The following MTM1 variants were observed in gnomAD, a reference collection of about 807,000 sequenced individuals.
MTM1 encodes myotubularin.
In MTM1, 9 loss-of-function variants were observed where a neutral mutation model predicts 52.1. That is an observed-to-expected ratio of 0.17 (90% CI 0.10 to 0.30). The LOEUF is 0.30. MTM1 is among the 10% of genes least tolerant of loss of function. The pLI, the probability that MTM1 is intolerant of heterozygous loss-of-function variation, is 1.00. For synonymous variants in MTM1, 136 were observed against 163.8 expected, an observed-to-expected ratio of 0.83 and a Z score of 1.29; for missense variants, 277 against 470.7, an observed-to-expected ratio of 0.59 and a Z score of 3.81.
chrX:150,646,288 CA>C (rs1257829747), intron 9 of MTM1, among the ~76,000 whole-genome samples: 1 of 112,655 alleles, frequency 8.9e-6, no homozygotes, highest in African/African-American at 3.2e-5. Context: ...CGTATATACT[CA>C]CATATGTGTA....
At chrX:150,565,544 G>A (rs1557411198), upstream of MTM1, among the ~76,000 whole-genome samples, 1 of 111,880 alleles carries the variant, frequency 8.9e-6, no homozygotes, top group Non-Finnish European at 1.9e-5. Flanking sequence ...GGGGACTGGG[G>A]AGATCAGAGC....
In MTM1 at chrX:150,572,463, GTCA is replaced by G. The variant is rs782342635; in HGVS notation, c.-11+3806_-11+3808del. ...CTCTCTGCCTCAATCTCCCTCTTCTGTCATCATTAAAATATGCAGGTATTTATA... is the reference window on the plus strand; with the variant it reads ...CTCTCTGCCTCAATCTCCCTCTTCTGTCATTAAAATATGCAGGTATTTATA... On this transcript the variant is annotated intron_variant, in intron 1 of 14. Transcript: ENST00000370396. Among the ~76,000 whole-genome samples, 179 of 112,047 alleles carry G rather than the reference GTCA, an allele frequency of 1.6e-3. 2 individuals are homozygous for G. The highest frequency in any genetic ancestry group is 4.2e-3 in the Admixed American group (44 of 10,581).
upstream of MTM1, among the ~76,000 whole-genome samples, chrX:150,566,982 G>A (rs962469885): frequency 8.9e-6 from 1 of 111,740 alleles, no homozygotes; most frequent in African/African-American, 3.3e-5. Flanking sequence ...GGGGAGGGGA[G>A]TTGGCAGAGC....
chrX:150,605,831 T>A (rs2039147188), intron 4 of MTM1, among the ~76,000 whole-genome samples: 1 of 111,280 alleles, frequency 9.0e-6, no homozygotes, highest in Admixed American at 9.6e-5. Context: ...TTTCCTCATC[T>A]CTATTGGTGG....
At chrX:150,597,847 G>A (rs2039004398) in intron 3 of MTM1, among the ~76,000 whole-genome samples, 1 of 111,587 alleles carries the variant, frequency 9.0e-6, no homozygotes, top group Non-Finnish European at 1.9e-5. Context: ...AGCACTTTGA[G>A]AGGCCAAAGT....
chrX:150,631,637 G>A (rs1188782893), intron 6 of MTM1, among the ~76,000 whole-genome samples: 2 of 97,824 alleles, frequency 2.0e-5, no homozygotes, highest in East Asian at 6.3e-4. Context: ...CACTCCAGCC[G>A]GGGCGACAGA....
chrX:150,601,906 G>A (rs782576057), intron 4 of MTM1, among the ~76,000 whole-genome samples: 25 of 111,807 alleles, frequency 2.2e-4, no homozygotes, highest in Non-Finnish European at 4.1e-4. Flanking sequence ...CTCAAACTAC[G>A]CAGAGCCTTT....
chrX:150,579,111 A>G lies in MTM1; in HGVS notation c.-11+10449A>G, dbSNP rs1020117813. The stretch of plus-strand genomic sequence containing the variant: ...CTTTTGTTGCCCAGGCTGGAGTGCA[A>G]TGGTGTAATCTCAGCTCACTGCAAC... On this transcript the variant is annotated intron_variant, in intron 1 of 14. Transcript: ENST00000370396. Among the ~76,000 whole-genome samples, 71 of 109,324 alleles carry G rather than the reference A, an allele frequency of 6.5e-4. 1 individual carries two copies. The highest frequency in any genetic ancestry group is 5.9e-4 in the Non-Finnish European group (31 of 52,449). 94.9% of individuals were successfully genotyped at this position (109,324 alleles called of 115,157 possible). A position where few individuals can be genotyped will look rare whatever the true frequency, so the allele number is the denominator to read the frequency against.
Position 150,672,605 on chromosome X carries a change from G to A in MTM1, c.*1010G>A, listed in dbSNP as rs782184572. On this transcript the variant is annotated 3_prime_UTR_variant, in exon 15 of 15. Transcript: ENST00000370396. ...TGTTGGCTTCCCCTCCCCACCCCAC[G>A]CGTGCATAAAAACTGGTTCTACAAA... 2 of 110,041 alleles carry A rather than the reference G, an allele frequency of 1.8e-5. No homozygotes were observed. The highest frequency in any genetic ancestry group is 3.7e-4 in the South Asian group (1 of 2,694). 9.1% of individuals were successfully genotyped at this position (110,041 alleles called of 1,213,427 possible). A position where few individuals can be genotyped will look rare whatever the true frequency, so the allele number is the denominator to read the frequency against.
At chrX:150,659,198 T>C (rs150992209) in intron 11 of MTM1, among the ~76,000 whole-genome samples, 223 of 112,532 alleles carry the variant, frequency 2.0e-3, no homozygotes, top group South Asian at 8.7e-3. Context: ...GTGAGATTTT[T>C]TGGTTTTGTC....
At chrX:150,579,085 G>A (rs1011339787) in intron 1 of MTM1, among the ~76,000 whole-genome samples, 1 of 108,607 alleles carries the variant, frequency 9.2e-6, no homozygotes, top group Non-Finnish European at 1.9e-5. Flanking sequence ...ATGGAGTTTC[G>A]CTTTTGTTGC....
At chrX:150,656,780 G>GA in intron 10 of MTM1, among the ~76,000 whole-genome samples, 1 of 111,159 alleles carries the variant, frequency 9.0e-6, no homozygotes, top group East Asian at 2.8e-4. Flanking sequence ...AAATTTACAA[G>GA]AAAAAAACAA....
intron 5 of MTM1, among the ~76,000 whole-genome samples, chrX:150,615,461 GT>G (rs2039366382): frequency 1.0e-5 from 1 of 96,169 alleles, no homozygotes; most frequent in Non-Finnish European, 2.0e-5. Flanking sequence ...TCTGTGTGTT[GT>G]TTTTTCAACC....
chrX:150,602,377 A>T (rs782345587), intron 4 of MTM1, among the ~76,000 whole-genome samples: 2 of 112,296 alleles, frequency 1.8e-5, no homozygotes, highest in East Asian at 5.6e-4. Context: ...ATTTGCTGCT[A>T]TGTCTGTGGT....
At chrX:150,565,153 C>T (rs188292626), upstream of MTM1, among the ~76,000 whole-genome samples, 4 of 112,122 alleles carry the variant, frequency 3.6e-5, no homozygotes, top group African/African-American at 9.7e-5. Flanking sequence ...CAGTGATCAC[C>T]GTGGCAACTT....
intron 1 of MTM1, among the ~76,000 whole-genome samples, chrX:150,575,944 T>G (rs1392598815): frequency 9.0e-6 from 1 of 111,328 alleles, no homozygotes; most frequent in East Asian, 2.8e-4. Flanking sequence ...CCCAAAGTGC[T>G]TAGGATTACA....
At chrX:150,625,696 G>A (rs1285464546) in intron 6 of MTM1, among the ~76,000 whole-genome samples, 3 of 112,491 alleles carry the variant, frequency 2.7e-5, no homozygotes, top group Non-Finnish European at 5.6e-5. Flanking sequence ...TTTTGCACTT[G>A]CCGCTTTCCT....
chrX:150,621,971 G>T (rs2039488583), intron 6 of MTM1, among the ~76,000 whole-genome samples: 1 of 111,116 alleles, frequency 9.0e-6, no homozygotes. Flanking sequence ...CTTGAACTCG[G>T]GTTAGTAGAA....
rs138231387 is a variant in MTM1, at chrX:150,613,970, G to A, written c.232-619G>A. Among the ~76,000 whole-genome samples the A allele has an allele frequency of 3.2e-3, 358 of 112,169 alleles. 2 individuals are homozygous for A. The highest frequency in any genetic ancestry group is 0.011 in the African/African-American group (332 of 30,878). On this transcript the variant is annotated intron_variant, in intron 4 of 14. Coordinates refer to ENST00000370396, the MANE Select transcript of MTM1 (RefSeq NM_000252.3). ...CATTTCCAGATGCTTGGTCTCTAGT[G>A]GGGGAATACATATGTGTAAATTCGT...
Sources: gnomAD v4.1 joint callset for allele counts (sites outside exome capture counted in the v4.1 genomes callset) on GRCh38, gnomAD v4.1.1 for gene constraint, MANE v1.5 for transcripts, NCBI Gene and HGNC (gene_info 2026-07-23, HGNC 2026-07-21) for gene names.